The following TMPRSS15 variants were observed in gnomAD, a reference collection of about 807,000 sequenced individuals.
The protein encoded by TMPRSS15 is transmembrane serine protease 15.
TMPRSS15 carries 128 observed loss-of-function variants against 125.3 expected under a neutral mutation model. That is an observed-to-expected ratio of 1.02 (90% CI 0.89 to 1.18). The LOEUF (loss-of-function observed/expected upper bound fraction) is 1.18, where lower values mean the gene tolerates loss of function less well. Among genes scored for constraint, TMPRSS15 ranks in the 50% most tolerant of loss-of-function variants. TMPRSS15 has a pLI of 0.00. For synonymous variants in TMPRSS15, 446 were observed against 423.2 expected, an observed-to-expected ratio of 1.05 and a Z score of -0.66; for missense variants, 1,283 against 1,212.7, an observed-to-expected ratio of 1.06 and a Z score of -0.86.
chr21:18,339,617 T>C (rs985803831), intron 13 of TMPRSS15, among the ~76,000 whole-genome samples: 1 of 151,996 alleles, frequency 6.6e-6, no homozygotes, highest in Non-Finnish European at 1.5e-5. Flanking sequence ...AAAACACACA[T>C]GAGGTTTAAC....
upstream of TMPRSS15, among the ~76,000 whole-genome samples, chr21:18,406,347 T>C (rs1021726475): frequency 1.3e-5 from 2 of 152,176 alleles, no homozygotes; most frequent in Non-Finnish European, 2.9e-5. Context: ...AGTTACTCTG[T>C]GTGAGTAGAA....
intron 12 of TMPRSS15, among the ~76,000 whole-genome samples, chr21:18,343,018 CAG>C (rs1569020709): frequency 6.6e-6 from 1 of 152,110 alleles, no homozygotes; most frequent in East Asian, 1.9e-4. Flanking sequence ...AATAAATGAT[CAG>C]AGACTTCCCA....
At chr21:18,323,762 G>A (rs192849318) in intron 16 of TMPRSS15, among the ~76,000 whole-genome samples, 43 of 151,900 alleles carry the variant, frequency 2.8e-4, no homozygotes, top group Admixed American at 2.4e-3. Context: ...ATTTAGGATG[G>A]CCTCCAGTAG....
intron 18 of TMPRSS15, among the ~76,000 whole-genome samples, chr21:18,308,182 C>T (rs182715384): frequency 1.3e-4 from 20 of 152,224 alleles, no homozygotes; most frequent in African/African-American, 4.8e-4. Context: ...AAAGTAGGAA[C>T]TTGGAATGAA....
At chr21:18,354,516 T>A (rs769945434) in intron 8 of TMPRSS15, among the ~76,000 whole-genome samples, 1 of 151,676 alleles carries the variant, frequency 6.6e-6, no homozygotes. Flanking sequence ...TTACATAAAA[T>A]TTGCTTTTAT....
chr21:18,400,874 T>C (rs1250197443), intron 1 of TMPRSS15, among the ~76,000 whole-genome samples: 5 of 151,956 alleles, frequency 3.3e-5, no homozygotes, highest in African/African-American at 1.2e-4. Flanking sequence ...TCTTAAATAA[T>C]TGCACAAACA....
At chr21:18,446,504 C>T (rs1462353636) in intron 1 of TMPRSS15, among the ~76,000 whole-genome samples, 3 of 151,972 alleles carry the variant, frequency 2.0e-5, no homozygotes, top group Non-Finnish European at 4.4e-5. Context: ...CAATTCCAAG[C>T]AAAAAGAACA....
At chr21:18,447,167 C>T (rs1364235058) in intron 1 of TMPRSS15, among the ~76,000 whole-genome samples, 1 of 151,830 alleles carries the variant, frequency 6.6e-6, no homozygotes, top group African/African-American at 2.4e-5. Context: ...ACAAATGGGC[C>T]AGGTGTAGTG....
At chr21:18,306,286 C>T (rs898605150) in intron 18 of TMPRSS15, among the ~76,000 whole-genome samples, 13 of 152,124 alleles carry the variant, frequency 8.5e-5, no homozygotes, top group African/African-American at 2.9e-4. Flanking sequence ...TAGGATGAAA[C>T]ATAGGTTCTA....
rs564718011 is a variant in TMPRSS15, at chr21:18,389,326, T to C, written c.345-5548A>G. ...ATAAAAAGATAAAGCTTTCATTGTG[T>C]CTGTATTTGATAAGATTAAAAATTC... On this transcript the variant is annotated intron_variant, in intron 3 of 24. Transcript: ENST00000284885. Among the ~76,000 whole-genome samples the C allele has an allele frequency of 3.3e-5, 5 of 152,168 alleles. No homozygotes were observed. In the South Asian group the frequency reaches 1.0e-3, roughly 32 times the overall value.
At chr21:18,350,101 A>G (rs577481188) in intron 10 of TMPRSS15, among the ~76,000 whole-genome samples, 3 of 152,286 alleles carry the variant, frequency 2.0e-5, no homozygotes, top group Non-Finnish European at 4.4e-5. Context: ...AAAGAGAAAA[A>G]AAAAGATCAG....
Position 18,313,067 on chromosome 21 carries a change from GA to G in TMPRSS15, c.2042del (p.Phe681SerfsTer10). 1.2e-6 allele frequency: 2 copies of G among 1,613,222 alleles called. No individual in the cohort carries two copies. The highest frequency in any genetic ancestry group is 1.7e-6 in the Non-Finnish European group (2 of 1,179,408). On this transcript the variant is annotated frameshift_variant, in exon 18 of 25. Transcript: ENST00000284885. LOFTEE classifies it high-confidence loss of function. Reference sequence around the variant, plus strand: ...AACCATTGTTGTTCGTTGTGCCATTGAAAAAACGCACTAAAGACACAGAGAG... The same window carrying G: ...AACCATTGTTGTTCGTTGTGCCATTGAAAAACGCACTAAAGACACAGAGAG... ...GSDEADCVRF[F>X]NGTTNNNGLV...
At chr21:18,377,713 G>A (rs530333735) in intron 5 of TMPRSS15, among the ~76,000 whole-genome samples, 2 of 152,158 alleles carry the variant, frequency 1.3e-5, no homozygotes, top group Admixed American at 6.6e-5. Flanking sequence ...TATACATAAT[G>A]TGAAAGACAG....
At chr21:18,280,994 T>G (rs1389940787) in intron 22 of TMPRSS15, 46 bp downstream of exon 22, 4 of 1,579,262 alleles carry the variant, frequency 2.5e-6, no homozygotes. Flanking sequence ...TAGTTTTGAA[T>G]TAATTTTGGC....
chr21:18,402,270 G>T (rs2076101802), intron 1 of TMPRSS15, among the ~76,000 whole-genome samples: 1 of 152,138 alleles, frequency 6.6e-6, no homozygotes, highest in Admixed American at 6.6e-5. Context: ...GGTGGCTCAT[G>T]CCTGTAATCC....
chr21:18,451,260 C>T (rs1054957495), intron 1 of TMPRSS15, among the ~76,000 whole-genome samples: 2 of 152,128 alleles, frequency 1.3e-5, no homozygotes, highest in Non-Finnish European at 2.9e-5. Context: ...TTGCTATTAG[C>T]TTATCTGTTG....
chr21:18,379,334 T>G lies in TMPRSS15; in HGVS notation c.497-16A>C. ...GTTAGCTTGTCTGAAAAATAAATTA[T>G]ATTAAAATAATTATTACCTATTTTA... On this transcript the variant is annotated splice_polypyrimidine_tract_variant and intron_variant, in intron 4 of 24. Transcript: ENST00000284885. The G allele has an allele frequency of 8.0e-7, 1 of 1,244,382 alleles. No homozygotes were observed. Among genetic ancestry groups the G allele is most frequent in the Non-Finnish European group, 1.1e-6 (1 of 936,700 alleles). 77.1% of individuals were successfully genotyped at this position (1,244,382 alleles called of 1,614,324 possible).
At chr21:18,273,792 T>TAAAC (rs1222566046) in intron 24 of TMPRSS15, among the ~76,000 whole-genome samples, 1 of 152,170 alleles carries the variant, frequency 6.6e-6, no homozygotes, top group East Asian at 1.9e-4. Flanking sequence ...AGATAAATTT[T>TAAAC]AAACAAGAAA....
chr21:18,295,471 A>G (rs1327677119), intron 19 of TMPRSS15, among the ~76,000 whole-genome samples: 3 of 152,238 alleles, frequency 2.0e-5, no homozygotes, highest in Non-Finnish European at 4.4e-5. Context: ...TACACAAATA[A>G]TTGTAATGAC....
Sources: gnomAD v4.1 joint callset for allele counts (sites outside exome capture counted in the v4.1 genomes callset) on GRCh38, gnomAD v4.1.1 for gene constraint, MANE v1.5 for transcripts, NCBI Gene and HGNC (gene_info 2026-07-23, HGNC 2026-07-21) for gene names.